The following TTLL6 variants were observed in gnomAD, a reference collection of about 807,000 sequenced individuals.
TTLL6 encodes the protein tubulin polyglutamylase TTLL6.
A neutral mutation model predicts 96.4 loss-of-function variants in TTLL6; 75 were observed. That is an observed-to-expected ratio of 0.78 (90% CI 0.65 to 0.94). The LOEUF (loss-of-function observed/expected upper bound fraction) is 0.94, where lower values mean the gene tolerates loss of function less well. TTLL6 is among the 40% of genes least tolerant of loss of function. The pLI, the probability that TTLL6 is intolerant of heterozygous loss-of-function variation, is 0.00. For synonymous variants in TTLL6, 411 were observed against 419.4 expected (o/e 0.98, Z 0.24); for missense variants, 1,030 against 1,093.0 (o/e 0.94, Z 0.81).
intron 13 of TTLL6, 59 bp downstream of exon 13, chr17:48,784,864 G>T: frequency 6.8e-7 from 1 of 1,479,306 alleles, no homozygotes; most frequent in Non-Finnish European, 9.3e-7. Context: ...TGGGGGTAGA[G>T]AAAGGACCAG....
chr17:48,775,597 A>C (rs2038854466), intron 13 of TTLL6, among the ~76,000 whole-genome samples: 1 of 151,600 alleles, frequency 6.6e-6, no homozygotes, highest in Non-Finnish European at 1.5e-5. Context: ...GCTGGAGTGC[A>C]ATGGCACGAT....
intron 13 of TTLL6, among the ~76,000 whole-genome samples, chr17:48,772,676 A>C (rs2143209414): frequency 6.6e-6 from 1 of 151,702 alleles, no homozygotes; most frequent in East Asian, 1.9e-4. Flanking sequence ...GGTTGCAGTG[A>C]GCCAACATTG....
intron 1 of TTLL6, among the ~76,000 whole-genome samples, chr17:48,810,333 G>A (rs1417322010): frequency 2.0e-5 from 3 of 151,968 alleles, no homozygotes; most frequent in Admixed American, 6.6e-5. Context: ...CATCTTGGAT[G>A]GTACCCGAGA....
At chr17:48,804,480 T>C in intron 2 of TTLL6, 1 of 560,904 alleles carries the variant, frequency 1.8e-6, no homozygotes, top group Non-Finnish European at 3.4e-6. Context: ...AGCGCCTTCT[T>C]AAAACAAGGA....
In TTLL6 at chr17:48,791,431, T is replaced by C; in HGVS notation, c.1171A>G (p.Ile391Val). The change falls in exon 9 of 16, where the codon ATC becomes GTC. Residue 391 changes from isoleucine (I) to valine (V), a missense_variant. By Grantham distance (29) the Ile-to-Val change is conservative. Coordinates refer to ENST00000393382, the MANE Select transcript of TTLL6 (RefSeq NM_001130918.3). Reference sequence around the variant, plus strand: ...TCCAACAAAATGTCAAAGCCCAGGATCTCAAAGCAGGCGCTGTTGAGTGTG... The same window carrying C: ...TCCAACAAAATGTCAAAGCCCAGGACCTCAAAGCAGGCGCTGTTGAGTGTG... ...NHTLNSACFE[I>V]LGFDILLDHK... 1 of 1,614,194 alleles carries C rather than the reference T, an allele frequency of 6.2e-7. No individual in the cohort carries two copies. Among genetic ancestry groups the C allele is most frequent in the Non-Finnish European group, 8.5e-7 (1 of 1,180,036 alleles).
At chr17:48,776,160 A>G (rs751235043) in intron 13 of TTLL6, among the ~76,000 whole-genome samples, 6 of 152,214 alleles carry the variant, frequency 3.9e-5, no homozygotes, top group Non-Finnish European at 5.9e-5. Flanking sequence ...AAAACTTACT[A>G]GAATTCATAA....
At chr17:48,801,501 A>C in intron 4 of TTLL6, 24 bp downstream of exon 4, 6 of 1,551,386 alleles carry the variant, frequency 3.9e-6, no homozygotes, top group Non-Finnish European at 5.2e-6. Flanking sequence ...CACTTAAACC[A>C]AGGACCATCA....
chr17:48,807,551 G>A (rs961587938), intron 1 of TTLL6, among the ~76,000 whole-genome samples: 2 of 151,956 alleles, frequency 1.3e-5, no homozygotes, highest in Admixed American at 6.6e-5. Context: ...TTGCTTTGTC[G>A]CCCAGGCTGA....
At chr17:48,802,078 AAAAGAAAGAAAG>A (rs139321404) in intron 3 of TTLL6, among the ~76,000 whole-genome samples, 20,561 of 121,040 alleles carry the variant, frequency 0.17, 1,923 homozygotes, top group African/African-American at 0.2. Flanking sequence ...GAAAGAAAGA[AAAAGAAAGAAAG>A]AAAGAAAGAA....
In TTLL6 at chr17:48,789,901, G is replaced by T. The variant is rs180956947; in HGVS notation, c.1400+30C>A. ...TGGGAGCAGGGGAGTCAGAGAGAGA[G>T]CCCCGCAAGGCTGGGGAGTGCGAAT... On this transcript the variant is annotated intron_variant, in intron 10 of 15. Coordinates refer to ENST00000393382, the MANE Select transcript of TTLL6 (RefSeq NM_001130918.3). The T allele has an allele frequency of 1.4e-5, 23 of 1,608,348 alleles. No individual in the cohort carries two copies. In the African/African-American group the frequency reaches 2.7e-4, roughly 19 times the overall value.
Position 48,786,320 on chromosome 17 carries a change from C to T in TTLL6, c.1605G>A (p.Glu535=). Residue 535 remains glutamate, a synonymous_variant, in exon 12 of 16, where the codon GAG becomes GAA. Coordinates refer to ENST00000393382, the MANE Select transcript of TTLL6 (RefSeq NM_001130918.3). The stretch of plus-strand genomic sequence containing the variant: ...GCTTTTTCTCCCGTTTTAGTCTCAG[C>T]TCCTGGATCAGTTGCCTGCCCATGA... The part of the protein sequence containing the change: ...REEYARQLIQ[E]LRLKREKKPF... 6.2e-7 allele frequency: 1 copy of T among 1,614,242 alleles called. No homozygotes were observed. Among genetic ancestry groups the T allele is most frequent in the Non-Finnish European group, 8.5e-7 (1 of 1,180,040 alleles).
intron 13 of TTLL6, among the ~76,000 whole-genome samples, chr17:48,780,710 A>AGAT (rs199931723): frequency 0.019 from 2,934 of 152,294 alleles, 38 homozygotes; most frequent in South Asian, 0.032. Flanking sequence ...GGGCTACTCT[A>AGAT]GATACTTCAC....
intron 5 of TTLL6, 176 bp from the exon 6 acceptor site, chr17:48,799,936 G>A (rs2039381240): frequency 8.3e-6 from 5 of 601,358 alleles, no homozygotes; most frequent in Non-Finnish European, 1.5e-5. Context: ...TGGGGAGTGT[G>A]GGCTTCAGAG....
chr17:48,786,973 G>A (rs2039112164), intron 11 of TTLL6, among the ~76,000 whole-genome samples: 1 of 151,912 alleles, frequency 6.6e-6, no homozygotes, highest in South Asian at 2.1e-4. Context: ...GGGATTACAG[G>A]AGCATGCCAC....
intron 8 of TTLL6, among the ~76,000 whole-genome samples, chr17:48,792,758 C>T (rs1406199356): frequency 6.6e-6 from 1 of 152,176 alleles, no homozygotes; most frequent in African/African-American, 2.4e-5. Context: ...GCCACCTCCT[C>T]CACCTGCCAT....
chr17:48,795,785 GGT>G (rs1483128740), intron 8 of TTLL6, among the ~76,000 whole-genome samples: 1 of 152,150 alleles, frequency 6.6e-6, no homozygotes, highest in East Asian at 1.9e-4. Flanking sequence ...GGTATGTTTT[GGT>G]GTGTGTATAT....
In TTLL6 at chr17:48,817,081, A is replaced by C. The variant is rs764554548; in HGVS notation, c.-9T>G. 1.0e-5 allele frequency: 16 copies of C among 1,537,858 alleles called. No homozygotes were observed. The highest frequency in any genetic ancestry group is 1.4e-5 in the Non-Finnish European group (16 of 1,142,944). On this transcript the variant is annotated 5_prime_UTR_variant, in exon 1 of 16. Coordinates refer to ENST00000393382, the MANE Select transcript of TTLL6 (RefSeq NM_001130918.3). The stretch of plus-strand genomic sequence containing the variant: ...AGGAGTAACGCTCCCATTGGCTGCC[A>C]GACAGCCCCAACCCCAACCCGCGCT...
intron 1 of TTLL6, among the ~76,000 whole-genome samples, chr17:48,808,275 C>T (rs1248949195): frequency 6.6e-6 from 1 of 152,030 alleles, no homozygotes; most frequent in Admixed American, 6.6e-5. Flanking sequence ...AATGCATTAT[C>T]GCAGGTGAAG....
chr17:48,802,300 G>A (rs2039440775), intron 3 of TTLL6, among the ~76,000 whole-genome samples: 1 of 152,072 alleles, frequency 6.6e-6, no homozygotes, highest in Admixed American at 6.5e-5. Context: ...CAAACACCAA[G>A]CTCTGAATGT....
Sources: allele counts gnomAD v4.1 joint callset (sites outside exome capture counted in the v4.1 genomes callset), GRCh38; gene constraint gnomAD v4.1.1; transcripts MANE v1.5; gene names NCBI Gene and HGNC (gene_info 2026-07-23, HGNC 2026-07-21).